The following MARCHF10 variants were observed in gnomAD, a reference collection of about 807,000 sequenced individuals.
MARCHF10 encodes probable E3 ubiquitin-protein ligase MARCHF10.
A neutral mutation model predicts 76.2 loss-of-function variants in MARCHF10; 64 were observed. The ratio of observed to expected loss-of-function variants is 0.84; its 90% CI spans 0.69 to 1.03. The LOEUF (loss-of-function observed/expected upper bound fraction) is 1.03. Among genes scored for constraint, MARCHF10 ranks in the 50% least tolerant of loss-of-function variants. The pLI, the probability that MARCHF10 is intolerant of heterozygous loss-of-function variation, is 0.00. For synonymous variants in MARCHF10, 340 were observed against 357.5 expected (o/e 0.95, Z 0.55); for missense variants, 875 against 958.0 (o/e 0.91, Z 1.14).
chr17:62,764,791 T>C (rs1457552662), intron 3 of MARCHF10, among the ~76,000 whole-genome samples: 2 of 152,204 alleles, frequency 1.3e-5, no homozygotes, highest in Non-Finnish European at 2.9e-5. Context: ...AAGCAAAACT[T>C]TCTCTTGTCT....
chr17:62,783,498 T>A (rs2092697951), intron 3 of MARCHF10, among the ~76,000 whole-genome samples: 1 of 151,966 alleles, frequency 6.6e-6, no homozygotes, highest in South Asian at 2.1e-4. Context: ...ATTCAAAAGC[T>A]AGCAGAAGGC....
chr17:62,782,281 T>C (rs542895734), intron 3 of MARCHF10, among the ~76,000 whole-genome samples: 1 of 151,732 alleles, frequency 6.6e-6, no homozygotes, highest in Admixed American at 6.6e-5. Flanking sequence ...GGGAAGAGGC[T>C]GAATAAGTTC....
intron 4 of MARCHF10, among the ~76,000 whole-genome samples, chr17:62,753,490 G>A (rs938857015): frequency 6.6e-6 from 1 of 152,210 alleles, no homozygotes; most frequent in African/African-American, 2.4e-5. Flanking sequence ...CAGTCAGTCT[G>A]GACTGGGGCC....
At position 62,767,450 on chromosome 17, in the gene MARCHF10, C is replaced by CCTTTTTTT. The variant is rs67106553; in HGVS notation, c.211-7445_211-7444insAAAAAAAG. Among the ~76,000 whole-genome samples, 27 of 134,792 alleles carry CCTTTTTTT rather than the reference C, an allele frequency of 2.0e-4. 3 individuals are homozygous for CCTTTTTTT. The highest frequency in any genetic ancestry group is 4.4e-4 in the East Asian group (2 of 4,548). The allele number at this position is 134,792 out of a possible 152,430, so 88.4% of individuals were successfully genotyped here. On this transcript the variant is annotated intron_variant, in intron 3 of 10. Transcript: ENST00000311269. ...AGCTTTGAATTGGTGGGTCTGTATT[C>CCTTTTTTT]TTTTTTTTTTTTTTTTTTGAGATGG...
rs2093021783 is a variant in MARCHF10, at chr17:62,798,457, AAAAG to A, written c.90+3185_90+3188del. On this transcript the variant is annotated intron_variant, in intron 2 of 10. Transcript: ENST00000311269. ...TGGGAAACATTAAAAAAAAAAAAAA[AAAAG>A]AAAGCCAAAGAGTCATGTTTGAGAA... 2.0e-5 allele frequency among the ~76,000 whole-genome samples: 3 copies of A among 151,988 alleles called. No individual in the cohort carries two copies. In the South Asian group the frequency reaches 6.2e-4, roughly 32 times the overall value.
Position 62,729,743 on chromosome 17 carries a change from T to C in MARCHF10, c.1938-4639A>G, listed in dbSNP as rs147488036. ...CATGTGTCATTACACCCAGAGAACA[T>C]ATATATTTTTTGTAGAGACAGGGTA... On this transcript the variant is annotated intron_variant, in intron 6 of 10. Transcript: ENST00000311269. Among the ~76,000 whole-genome samples the C allele has an allele frequency of 8.0e-3, 1,222 of 151,860 alleles. 18 individuals are homozygous for C. Among genetic ancestry groups the C allele is most frequent in the African/African-American group, 0.028 (1,170 of 41,438 alleles).
At chr17:62,720,860 ATTTTTTTTT>A (rs56688878) in intron 8 of MARCHF10, among the ~76,000 whole-genome samples, 1 of 87,992 alleles carries the variant, frequency 1.1e-5, no homozygotes, top group Non-Finnish European at 2.2e-5. Flanking sequence ...GTAAGTTGTG[ATTTTTTTTT>A]TTTTTTTTTT....
At chr17:62,739,520 T>G (rs982077232) in intron 5 of MARCHF10, among the ~76,000 whole-genome samples, 3 of 151,892 alleles carry the variant, frequency 2.0e-5, no homozygotes, top group Non-Finnish European at 2.9e-5. Flanking sequence ...TAGCTGGGAT[T>G]ACAGGCATGC....
chr17:62,805,367 G>C (rs1481299683), intron 1 of MARCHF10, among the ~76,000 whole-genome samples: 4 of 152,104 alleles, frequency 2.6e-5, no homozygotes, highest in African/African-American at 9.7e-5. Flanking sequence ...AAGCCTGTCT[G>C]AATCTTATTC....
chr17:62,723,136 A>G (rs2090573899), intron 7 of MARCHF10, among the ~76,000 whole-genome samples: 1 of 151,572 alleles, frequency 6.6e-6, no homozygotes, highest in African/African-American at 2.4e-5. Flanking sequence ...TAGTTACAGT[A>G]GTACCCAGGG....
chr17:62,794,963 TC>T (rs2092959003), intron 2 of MARCHF10: 4 of 942,630 alleles, frequency 4.2e-6, no homozygotes, highest in Non-Finnish European at 5.1e-6. Context: ...GAGATAGTAT[TC>T]CCCTCCAGCT....
At chr17:62,705,325 T>G (rs992143238) in intron 10 of MARCHF10, 3 of 1,479,936 alleles carry the variant, frequency 2.0e-6, no homozygotes, top group African/African-American at 2.9e-5. Context: ...GCGTTCAGGA[T>G]GAATTAAAAT....
chr17:62,714,643 C>A (rs2090100582), intron 8 of MARCHF10, among the ~76,000 whole-genome samples: 1 of 152,206 alleles, frequency 6.6e-6, no homozygotes, highest in Admixed American at 6.5e-5. Flanking sequence ...GTGACCCATT[C>A]AGCCACAACT....
chr17:62,788,110 T>A (rs573132193), intron 3 of MARCHF10, among the ~76,000 whole-genome samples: 3 of 152,216 alleles, frequency 2.0e-5, no homozygotes, highest in Admixed American at 6.5e-5. Flanking sequence ...TTAGACCATA[T>A]GCCACAGAGA....
Position 62,703,543 on chromosome 17 carries a change from C to T in MARCHF10, c.2372-1785G>A, listed in dbSNP as rs879625029. On this transcript the variant is annotated intron_variant, in intron 10 of 10. Transcript: ENST00000311269. ...GGGTTCTCCTCGGCCTCGGCTGTGCCCACCCGTGTCTGGGGTGTGTGCTGA... is the reference window on the plus strand; with the variant it reads ...GGGTTCTCCTCGGCCTCGGCTGTGCTCACCCGTGTCTGGGGTGTGTGCTGA... 2.0e-5 allele frequency: 3 copies of T among 152,984 alleles called. No homozygotes were observed. In the Admixed American group the frequency reaches 2.0e-4, roughly 10 times the overall value. 9.5% of individuals were successfully genotyped at this position (152,984 alleles called of 1,614,324 possible).
At chr17:62,762,115 G>A (rs1055071332) in intron 3 of MARCHF10, among the ~76,000 whole-genome samples, 4 of 152,146 alleles carry the variant, frequency 2.6e-5, no homozygotes, top group Non-Finnish European at 5.9e-5. Context: ...AGCCAGGGCC[G>A]GAATTCTTGG....
At position 62,785,375 on chromosome 17, in the gene MARCHF10, T is replaced by C. The variant is rs533488873; in HGVS notation, c.210+3105A>G. On this transcript the variant is annotated intron_variant, in intron 3 of 10. Transcript: ENST00000311269. ...CCTTACACCTTATATAAAAATTAAC[T>C]CAAGATGGATTAAAGACTAAAATGT... is the stretch of plus-strand genomic sequence containing the variant. Among the ~76,000 whole-genome samples the C allele has an allele frequency of 2.0e-5, 3 of 152,150 alleles. No homozygotes were observed. The East Asian group carries it at 5.8e-4, about 29-fold the overall frequency.
Position 62,736,560 on chromosome 17 carries a change from A to C in MARCHF10, c.1308T>G (p.Ser436=). ...TTAAATAGTCTTTCCAGTATCCTTCAGAATCATGGGTGCCAGGCCTATGTT... is the reference window on the plus strand; with the variant it reads ...TTAAATAGTCTTTCCAGTATCCTTCCGAATCATGGGTGCCAGGCCTATGTT... The part of the protein sequence containing the change: ...SVEHRPGTHD[S]EGYWKDYLNS... The change falls in exon 6 of 11, where the codon TCT becomes TCG. Residue 436 remains serine (S), a synonymous_variant. Transcript: ENST00000311269. 1.2e-6 allele frequency: 2 copies of C among 1,614,254 alleles called. No homozygotes were observed. Among genetic ancestry groups the C allele is most frequent in the Non-Finnish European group, 1.7e-6 (2 of 1,180,054 alleles).
At chr17:62,746,352 T>G (rs1426256844) in intron 4 of MARCHF10, among the ~76,000 whole-genome samples, 1 of 152,002 alleles carries the variant, frequency 6.6e-6, no homozygotes, top group Non-Finnish European at 1.5e-5. Context: ...AGAGTGAAAG[T>G]TCTCTGGAAA....
Sources: gnomAD v4.1 joint callset for allele counts (sites outside exome capture counted in the v4.1 genomes callset) on GRCh38, gnomAD v4.1.1 for gene constraint, MANE v1.5 for transcripts, NCBI Gene and HGNC (gene_info 2026-07-23, HGNC 2026-07-21) for gene names.